CHN2: variants seen among roughly 807,000 people sequenced by gnomAD.
The protein encoded by CHN2 is beta-chimaerin.
Under a neutral mutation model 56.3 loss-of-function variants are expected in CHN2, and 35 were observed. The observed-to-expected ratio is 0.62, with a 90% CI of 0.47 to 0.82. CHN2 has a LOEUF of 0.82. Ranked by LOEUF, CHN2 falls within the 40% of genes least tolerant of loss-of-function variation. The probability of loss-of-function intolerance (pLI) is 0.00; values close to 1 mark genes in which losing one functional copy is unlikely to be tolerated. For synonymous variants in CHN2, 210 were observed against 212.8 expected (o/e 0.99, Z 0.12); for missense variants, 491 against 580.5 (o/e 0.85, Z 1.58).
rs10667833 is a variant in CHN2 at position 29,329,376 on chromosome 7, C to CAAAAAAAAAAAAAAAAAAAAAAAAAAA, written c.50-25223_50-25222insAAAAAAAAAAAAAAAAAAAAAAAAAAA. Reference sequence around the variant, plus strand: ...ACTAGCTTTAAACCTTCAGATAAGGCAAAAAAAAAAAAAAAAAAAAAAAAA... The same window carrying CAAAAAAAAAAAAAAAAAAAAAAAAAAA: ...ACTAGCTTTAAACCTTCAGATAAGGCAAAAAAAAAAAAAAAAAAAAAAAAAAAAAAAAAAAAAAAAAAAAAAAAAAAA... On this transcript the variant is annotated intron_variant, in intron 1 of 12. Coordinates refer to ENST00000222792, the MANE Select transcript of CHN2 (RefSeq NM_004067.4). Among the ~76,000 whole-genome samples, 2 of 37,252 alleles carry CAAAAAAAAAAAAAAAAAAAAAAAAAAA rather than the reference C, an allele frequency of 5.4e-5. 1 individual carries two copies. The highest frequency in any genetic ancestry group is 2.1e-4 in the African/African-American group (2 of 9,636). The allele number at this position is 37,252 out of a possible 152,430, so 24.4% of individuals were successfully genotyped here. A position where few individuals can be genotyped will look rare whatever the true frequency, so the allele number is the denominator to read the frequency against.
At chr7:29,243,354 T>C (rs887167546) in intron 1 of CHN2, among the ~76,000 whole-genome samples, 2 of 152,206 alleles carry the variant, frequency 1.3e-5, no homozygotes, top group Non-Finnish European at 2.9e-5. Context: ...GCCCTTCACT[T>C]TGGGTCACAA....
intron 1 of CHN2, among the ~76,000 whole-genome samples, chr7:29,303,306 T>C (rs1447848325): frequency 6.6e-6 from 1 of 151,938 alleles, no homozygotes; most frequent in African/African-American, 2.4e-5. Context: ...TTCCCATTGA[T>C]GCGCCGCCTT....
chr7:29,330,730 T>C (rs1359717676), intron 1 of CHN2, among the ~76,000 whole-genome samples: 1 of 152,224 alleles, frequency 6.6e-6, no homozygotes, highest in Non-Finnish European at 1.5e-5. Context: ...GCCTTGCTTG[T>C]GCTCAGAATA....
intron 1 of CHN2, among the ~76,000 whole-genome samples, chr7:29,294,547 C>T (rs1180059990): frequency 7.2e-5 from 11 of 152,100 alleles, no homozygotes; most frequent in African/African-American, 2.7e-4. Flanking sequence ...TTTTGTGCCG[C>T]GTTGAAAGAC....
At chr7:29,464,730 A>G (rs1229313451) in intron 6 of CHN2, among the ~76,000 whole-genome samples, 1 of 152,198 alleles carries the variant, frequency 6.6e-6, no homozygotes, top group African/African-American at 2.4e-5. Context: ...GTGCTTAGAA[A>G]TGTGTCCTCT....
At chr7:29,412,194 A>G (rs2128098089) in intron 6 of CHN2, among the ~76,000 whole-genome samples, 1 of 152,334 alleles carries the variant, frequency 6.6e-6, no homozygotes, top group East Asian at 1.9e-4. Flanking sequence ...GACATGGGAA[A>G]TAACCCAGAA....
At chr7:29,433,554 G>GTGATTACA (rs1226941859) in intron 6 of CHN2, among the ~76,000 whole-genome samples, 2 of 152,124 alleles carry the variant, frequency 1.3e-5, no homozygotes, top group African/African-American at 4.8e-5. Flanking sequence ...GAACCTTACA[G>GTGATTACA]GGCCGGGTGC....
intron 6 of CHN2, among the ~76,000 whole-genome samples, chr7:29,464,546 TA>T (rs962499145): frequency 2.6e-5 from 4 of 152,184 alleles, no homozygotes; most frequent in African/African-American, 9.7e-5. Context: ...GAGCTTATTT[TA>T]AAAAAGTGGA....
chr7:29,448,052 C>T (rs1784151136), intron 6 of CHN2, among the ~76,000 whole-genome samples: 2 of 152,158 alleles, frequency 1.3e-5, no homozygotes, highest in Non-Finnish European at 2.9e-5. Context: ...ACTGCAGAAA[C>T]CTTCCCCATT....
Position 29,443,523 on chromosome 7 carries a change from GTA to G in CHN2, c.577-36749_577-36748del, listed in dbSNP as rs959814569. ...GCAATACATGACTATGTGTGTGTGT[GTA>G]TATATACACACAGGCACACATCTGT... is the stretch of plus-strand genomic sequence containing the variant. On this transcript the variant is annotated intron_variant, in intron 6 of 12. Coordinates refer to ENST00000222792, the MANE Select transcript of CHN2 (RefSeq NM_004067.4). Among the ~76,000 whole-genome samples the G allele has an allele frequency of 6.0e-4, 91 of 151,848 alleles. No homozygotes were observed. In the Middle Eastern group the frequency reaches 0.01, roughly 17 times the overall value.
At position 29,373,450 on chromosome 7, in the gene CHN2, T is replaced by G. The variant is rs557586721; in HGVS notation, c.144+5463T>G. Among the ~76,000 whole-genome samples, 4 of 151,982 alleles carry G rather than the reference T, an allele frequency of 2.6e-5. No homozygotes were observed. In the South Asian group the frequency reaches 8.3e-4, roughly 32 times the overall value. On this transcript the variant is annotated intron_variant, in intron 3 of 12. Transcript: ENST00000222792. ...TCAGCCTTCCAAAGTGCTGGGATTA[T>G]GGGCATCAGCCACCACGCCCGGCCG...
chr7:29,182,194 AGATG>A (rs1798148127), intron 2 of CHN2, among the ~76,000 whole-genome samples: 1 of 152,228 alleles, frequency 6.6e-6, no homozygotes, highest in African/African-American at 2.4e-5. Flanking sequence ...TTCTATTATA[AGATG>A]GTGACAGGAT....
intron 1 of CHN2, among the ~76,000 whole-genome samples, chr7:29,248,604 G>A (rs943831333): frequency 1.3e-5 from 2 of 152,160 alleles, no homozygotes; most frequent in Admixed American, 1.3e-4. Context: ...GCAGAGCTCT[G>A]GTGGTTCCCT....
intron 6 of CHN2, among the ~76,000 whole-genome samples, chr7:29,451,240 GT>G (rs1784382365): frequency 6.6e-6 from 1 of 152,156 alleles, no homozygotes. Context: ...GCTGAGAACA[GT>G]GCCCAGAACA....
intron 6 of CHN2, among the ~76,000 whole-genome samples, chr7:29,473,637 C>A (rs950083225): frequency 4.0e-5 from 6 of 151,800 alleles, no homozygotes; most frequent in African/African-American, 1.5e-4. Context: ...GATTCTCTGG[C>A]CTGATCTCAT....
chr7:29,273,377 A>ATATATATATATATATATATATATGTG (rs1562882108), intron 1 of CHN2, among the ~76,000 whole-genome samples: 9 of 52,386 alleles, frequency 1.7e-4, no homozygotes, highest in Admixed American at 2.7e-4. Flanking sequence ...ATATATATAT[A>ATATATATATATATATATATATATGTG]TATATATATA....
chr7:29,211,093 C>T (rs1306222968), intron 1 of CHN2, among the ~76,000 whole-genome samples: 4 of 149,028 alleles, frequency 2.7e-5, no homozygotes, highest in East Asian at 2.0e-4. Context: ...GTTGTTGAGA[C>T]GGAGTCTCGC....
chr7:29,404,911 C>A (rs1172712603), intron 6 of CHN2, among the ~76,000 whole-genome samples: 1 of 151,758 alleles, frequency 6.6e-6, no homozygotes, highest in Non-Finnish European at 1.5e-5. Context: ...TCATAAATAT[C>A]CCTTGAAGGA....
At chr7:29,205,222 G>A (rs980322712) in intron 1 of CHN2, among the ~76,000 whole-genome samples, 3 of 152,112 alleles carry the variant, frequency 2.0e-5, no homozygotes, top group South Asian at 2.1e-4. Flanking sequence ...CCTATAGAGC[G>A]AATTGGTGTT....
Sources: allele counts gnomAD v4.1 joint callset (sites outside exome capture counted in the v4.1 genomes callset), GRCh38; gene constraint gnomAD v4.1.1; transcripts MANE v1.5; gene names NCBI Gene and HGNC (gene_info 2026-07-23, HGNC 2026-07-21).